Variants in POLI observed in about 807,000 individuals in gnomAD.
The protein encoded by POLI is DNA polymerase iota.
In POLI, 58 loss-of-function variants were observed where a neutral mutation model predicts 51.6. The observed-to-expected ratio is 1.12, with a 90% CI of 0.91 to 1.40. The LOEUF (loss-of-function observed/expected upper bound fraction) is 1.40. POLI is among the 40% of genes most tolerant of loss of function. The pLI, the probability that POLI is intolerant of heterozygous loss-of-function variation, is 0.00. For missense variants in POLI, 921 were observed against 871.3 expected (o/e 1.06, Z -0.72); for synonymous variants, 322 against 299.7 (o/e 1.07, Z -0.77).
intron 3 of POLI, 88 bp from the exon 4 acceptor site, chr18:54,277,615 A>G: frequency 5.2e-6 from 4 of 764,186 alleles, no homozygotes; most frequent in Non-Finnish European, 8.2e-6. Flanking sequence ...TTAACAATAA[A>G]TTTGATAAAT....
chr18:54,317,207 A>T (rs1194731356), intron 3 of POLI, among the ~76,000 whole-genome samples: 1 of 152,138 alleles, frequency 6.6e-6, no homozygotes, highest in African/African-American at 2.4e-5. Context: ...CTGCTAGTGG[A>T]TGAAATTCAT....
intron 3 of POLI, among the ~76,000 whole-genome samples, chr18:54,316,614 G>C (rs2088736945): frequency 6.6e-6 from 1 of 152,154 alleles, no homozygotes; most frequent in East Asian, 1.9e-4. Flanking sequence ...GTACATAAAA[G>C]TGGAGGGCTA....
chr18:54,285,904 T>G (rs2144545240), intron 7 of POLI, among the ~76,000 whole-genome samples: 1 of 152,276 alleles, frequency 6.6e-6, no homozygotes, highest in East Asian at 1.9e-4. Context: ...AGGGTCTTGC[T>G]CTGTCACCCA....
intron 2 of POLI, among the ~76,000 whole-genome samples, chr18:54,271,855 C>T (rs2087018509): frequency 6.6e-6 from 1 of 152,134 alleles, no homozygotes; most frequent in Non-Finnish European, 1.5e-5. Flanking sequence ...TTCGTCTGTC[C>T]TCCCCTTTCT....
chr18:54,290,302 T>A (rs1235406662), intron 8 of POLI, among the ~76,000 whole-genome samples: 1 of 152,152 alleles, frequency 6.6e-6, no homozygotes, highest in Admixed American at 6.5e-5. Context: ...CCAGTTAGAA[T>A]GGCGATCATT....
At chr18:54,277,664 C>G in intron 3 of POLI, 39 bp from the exon 4 acceptor site, 1 of 1,370,906 alleles carries the variant, frequency 7.3e-7, no homozygotes, top group Non-Finnish European at 1.0e-6. Context: ...CTAGTTATAA[C>G]TTCATTTACA....
intron 1 of POLI, chr18:54,269,901 C>A: frequency 8.1e-7 from 1 of 1,239,230 alleles, no homozygotes; most frequent in Non-Finnish European, 1.0e-6. Context: ...GAGGGTTTAT[C>A]TGCGCCGTCC....
At chr18:54,299,654 A>C (rs1264478227), downstream of POLI, among the ~76,000 whole-genome samples, 1 of 152,208 alleles carries the variant, frequency 6.6e-6, no homozygotes, top group Non-Finnish European at 1.5e-5. Context: ...AGGCTAATAC[A>C]TGTCTTATTC....
Position 54,293,871 on chromosome 18 carries a change from A to G in POLI, c.1627A>G (p.Ile543Val), listed in dbSNP as rs150441237. ...GCTTCCAGTAGATATTCAAGAAGAAATCCTTTCTGGAAAATCTAGGGAAAA... is the reference window on the plus strand; with the variant it reads ...GCTTCCAGTAGATATTCAAGAAGAAGTCCTTTCTGGAAAATCTAGGGAAAA... ...KQLPVDIQEE[I>V]LSGKSREKFQ... Residue 543 changes from isoleucine to valine, a missense_variant, in exon 10 of 10, where the codon ATC becomes GTC. Ile to Val is a conservative substitution (Grantham distance 29). Transcript: ENST00000579534. 10 of 1,612,554 alleles carry G rather than the reference A, an allele frequency of 6.2e-6. No individual in the cohort carries two copies. The highest frequency in any genetic ancestry group is 7.6e-6 in the Non-Finnish European group (9 of 1,179,156).
At chr18:54,285,502 C>CA (rs561634870) in intron 7 of POLI, among the ~76,000 whole-genome samples, 1,600 of 133,632 alleles carry the variant, frequency 0.012, 13 homozygotes, top group Middle Eastern at 0.019. Flanking sequence ...AAGTGACTTG[C>CA]AAAAAAAAAA....
intron 2 of POLI, among the ~76,000 whole-genome samples, chr18:54,272,568 C>T (rs541062762): frequency 6.6e-6 from 1 of 151,984 alleles, no homozygotes; most frequent in African/African-American, 2.4e-5. Context: ...GCCTCTGGGG[C>T]TCAGGTGATT....
In POLI at chr18:54,296,684, TG is replaced by T. The variant is rs1355301478; in HGVS notation, c.*2220del. 1 of 170,550 alleles carries T rather than the reference TG, an allele frequency of 5.9e-6. No individual in the cohort carries two copies. The highest frequency in any genetic ancestry group is 1.2e-5 in the Non-Finnish European group (1 of 84,982). 10.6% of individuals were successfully genotyped at this position (170,550 alleles called of 1,614,324 possible). A position where few individuals can be genotyped will look rare whatever the true frequency, so the allele number is the denominator to read the frequency against. On this transcript the variant is annotated 3_prime_UTR_variant, in exon 10 of 10. Coordinates refer to ENST00000579534, the MANE Select transcript of POLI (RefSeq NM_007195.3). ...CCTCTTGTTTCTCTTTACTGCATTT[TG>T]GGTAATTTCATCAGCTCTATCTTTC... is the stretch of plus-strand genomic sequence containing the variant.
In POLI at chr18:54,274,027, CA is replaced by C; in HGVS notation, c.344del (p.Gln115ArgfsTer4). On this transcript the variant is annotated frameshift_variant, in exon 3 of 10. Transcript: ENST00000579534. LOFTEE classifies it high-confidence loss of function. ...NVRDAKEKCPQLVLVNGEDLT... is the reference protein window; with the variant it reads ...NVRDAKEKCPXLVLVNGEDLT... ...CAGAGATGCAAAAGAAAAGTGTCCACAGTTGGTATTAGTTAATGGAGAAGAC... is the reference window on the plus strand; with the variant it reads ...CAGAGATGCAAAAGAAAAGTGTCCACGTTGGTATTAGTTAATGGAGAAGAC... 1 of 1,577,010 alleles carries C rather than the reference CA, an allele frequency of 6.3e-7. No individual in the cohort carries two copies. Among genetic ancestry groups the C allele is most frequent in the African/African-American group, 1.4e-5 (1 of 73,406 alleles).
intron 3 of POLI, among the ~76,000 whole-genome samples, chr18:54,316,066 C>G (rs904835839): frequency 1.2e-4 from 18 of 152,100 alleles, no homozygotes; most frequent in Admixed American, 3.3e-4. Flanking sequence ...CAGGCATGTA[C>G]CACCATGCCT....
chr18:54,284,749 T>A (rs1373812167), intron 7 of POLI: 2 of 152,258 alleles, frequency 1.3e-5, no homozygotes, highest in Admixed American at 1.3e-4. Flanking sequence ...GTGTGCAGGG[T>A]TTCTGATCTG....
At chr18:54,303,654 G>A (rs1454058190) in intron 3 of POLI, among the ~76,000 whole-genome samples, 1 of 151,776 alleles carries the variant, frequency 6.6e-6, no homozygotes, top group African/African-American at 2.4e-5. Context: ...GCTGGCACTT[G>A]GACTATTTTG....
intron 3 of POLI, among the ~76,000 whole-genome samples, chr18:54,316,124 A>G (rs2088731769): frequency 6.6e-6 from 1 of 152,144 alleles, no homozygotes; most frequent in Non-Finnish European, 1.5e-5. Flanking sequence ...TGTGTTGCCC[A>G]GACTGGTTTC....
chr18:54,304,962 T>C (rs546248688), intron 3 of POLI, among the ~76,000 whole-genome samples: 71 of 152,362 alleles, frequency 4.7e-4, no homozygotes, highest in Non-Finnish European at 4.4e-4. Context: ...AGGGATCCAG[T>C]TTCAGCTTTC....
chr18:54,282,784 T>G, intron 5 of POLI, 53 bp from the exon 6 acceptor site: 1 of 952,900 alleles, frequency 1.0e-6, no homozygotes, highest in Non-Finnish European at 1.6e-6. Context: ...TTAATTAGCT[T>G]TGTTTTAAGG....
Sources: gnomAD v4.1 joint callset for allele counts (sites outside exome capture counted in the v4.1 genomes callset) on GRCh38, gnomAD v4.1.1 for gene constraint, MANE v1.5 for transcripts, NCBI Gene and HGNC (gene_info 2026-07-23, HGNC 2026-07-21) for gene names.